Variants in ITFG2 observed in about 807,000 individuals in gnomAD.
The protein encoded by ITFG2 is integrin alpha FG-GAP repeat containing 2.
In ITFG2, 36 loss-of-function variants were observed where a neutral mutation model predicts 54.4. That is an observed-to-expected ratio of 0.66 (90% CI 0.51 to 0.87). The LOEUF is 0.87. Among genes scored for constraint, ITFG2 ranks in the 40% least tolerant of loss-of-function variants. ITFG2 has a pLI of 0.00. For missense variants in ITFG2, 524 were observed against 576.7 expected (o/e 0.91, Z 0.94); for synonymous variants, 211 against 225.4 (o/e 0.94, Z 0.57).
In ITFG2 at chr12:2,855,098, G is replaced by C. The variant is rs975383869; in HGVS notation, n.301-2914G>C. The C allele has an allele frequency of 3.9e-6, 6 of 1,535,632 alleles. No homozygotes were observed. The Admixed American group carries it at 9.8e-5, about 25-fold the overall frequency. On this transcript the variant is annotated intron_variant and non_coding_transcript_variant, in intron 2 of 3. Transcript: ENST00000537710. ...CTGTTTTGCCCCATCCAGGAGGGAGGGGGGATGGGGTGCTCCGTGGGGGGG... is the reference window on the plus strand; with the variant it reads ...CTGTTTTGCCCCATCCAGGAGGGAGCGGGGATGGGGTGCTCCGTGGGGGGG...
chr12:2,820,374 A>G, intron 5 of ITFG2, 149 bp downstream of exon 5: 1 of 1,032,976 alleles, frequency 9.7e-7, no homozygotes, highest in Non-Finnish European at 1.4e-6. Flanking sequence ...ACCATTTCAA[A>G]TCAGGGGCTT....
intron 2 of ITFG2, chr12:2,849,171 G>T: frequency 6.8e-7 from 1 of 1,464,622 alleles, no homozygotes; most frequent in Non-Finnish European, 9.0e-7. Context: ...AAGGAGCATT[G>T]ATTGAGAACA....
downstream of ITFG2, among the ~76,000 whole-genome samples, chr12:2,829,140 A>G (rs188889434): frequency 5.5e-3 from 844 of 152,288 alleles, 2 homozygotes; most frequent in Middle Eastern, 0.014. Context: ...TGTTTAGAGG[A>G]ATCCTTGGGA....
downstream of ITFG2, among the ~76,000 whole-genome samples, chr12:2,828,827 A>G (rs1313085887): frequency 6.6e-6 from 1 of 152,142 alleles, no homozygotes; most frequent in Non-Finnish European, 1.5e-5. Context: ...GGGCAACAAG[A>G]GCAAAACTCT....
intron 2 of ITFG2, chr12:2,854,943 G>A: frequency 1.3e-6 from 2 of 1,536,028 alleles, no homozygotes; most frequent in Non-Finnish European, 1.7e-6. Context: ...CATCGAGTGG[G>A]GGTGCTCTTG....
intron 2 of ITFG2, among the ~76,000 whole-genome samples, chr12:2,841,561 C>G (rs1365109324): frequency 6.6e-6 from 1 of 152,308 alleles, no homozygotes; most frequent in African/African-American, 2.4e-5. Flanking sequence ...GATACAGTAA[C>G]TACTAGACAT....
exon 4 of ITFG2, chr12:2,859,659 A>G (rs921890135): frequency 1.2e-6 from 2 of 1,602,218 alleles, no homozygotes; most frequent in Middle Eastern, 1.7e-4. Flanking sequence ...CTCAGCTAGC[A>G]GCACCTGAAA....
At chr12:2,821,186 G>C in intron 6 of ITFG2, 76 bp from the exon 7 acceptor site, 1 of 1,157,394 alleles carries the variant, frequency 8.6e-7, no homozygotes, top group Non-Finnish European at 1.3e-6. Flanking sequence ...AGCTCTTGCA[G>C]GGATAGGGGT....
At chr12:2,842,067 CAAT>C (rs2098042408) in intron 2 of ITFG2, among the ~76,000 whole-genome samples, 1 of 144,484 alleles carries the variant, frequency 6.9e-6, no homozygotes, top group African/African-American at 2.6e-5. Context: ...TACATAAAAA[CAAT>C]AATATAATAA....
chr12:2,814,510 A>G (rs2097916972), intron 1 of ITFG2, among the ~76,000 whole-genome samples: 1 of 152,008 alleles, frequency 6.6e-6, no homozygotes, highest in South Asian at 2.1e-4. Context: ...TGTTTTTTCC[A>G]CTGCTATATT....
intron 1 of ITFG2, chr12:2,840,797 A>G (rs999321164): frequency 1.5e-4 from 23 of 152,578 alleles, no homozygotes; most frequent in African/African-American, 5.1e-4. Flanking sequence ...AAATAAATAA[A>G]TAAAATTCTA....
Position 2,818,143 on chromosome 12 carries a change from A to C in ITFG2, c.272A>C (p.His91Pro). ...LVAVSAEGWF[H>P]LFDLTPAKVL... Reference sequence around the variant, plus strand: ...GCAGTGAGTGCTGAAGGCTGGTTTCATTTGTTTGACCTGACACCTGCCAAG... The same window carrying C: ...GCAGTGAGTGCTGAAGGCTGGTTTCCTTTGTTTGACCTGACACCTGCCAAG... Residue 91 changes from histidine (H) to proline (P), a missense_variant, in exon 4 of 12, where the codon CAT (histidine) becomes CCT (proline). Transcript: ENST00000228799. 6.2e-7 allele frequency: 1 copy of C among 1,614,056 alleles called. No individual in the cohort carries two copies. Among genetic ancestry groups the C allele is most frequent in the Non-Finnish European group, 8.5e-7 (1 of 1,180,024 alleles).
intron 1 of ITFG2, among the ~76,000 whole-genome samples, chr12:2,815,732 C>T (rs1447878733): frequency 1.3e-5 from 2 of 152,148 alleles, no homozygotes; most frequent in African/African-American, 4.8e-5. Context: ...CTGTTCAGGT[C>T]GCATACTTTT....
At chr12:2,849,428 G>A (rs1461101443) in intron 2 of ITFG2, 1 of 1,536,182 alleles carries the variant, frequency 6.5e-7, no homozygotes, top group Admixed American at 2.0e-5. Context: ...AGAGGGTTTG[G>A]GCAGGGCCAG....
chr12:2,828,565 C>T (rs1288675253), downstream of ITFG2: 3 of 658,184 alleles, frequency 4.6e-6, no homozygotes, highest in Admixed American at 2.9e-5. Flanking sequence ...CGGGGCCAGG[C>T]GCGGTAGCTC....
intron 2 of ITFG2, among the ~76,000 whole-genome samples, chr12:2,842,191 G>A (rs1314806245): frequency 1.6e-5 from 2 of 124,762 alleles, no homozygotes; most frequent in South Asian, 2.5e-4. Context: ...GCACGATCTC[G>A]GCTCACTGCA....
At chr12:2,828,158 C>T (rs146801012), downstream of ITFG2, 37 of 1,203,374 alleles carry the variant, frequency 3.1e-5, no homozygotes, top group African/African-American at 4.4e-4. Context: ...CCTGACCTCA[C>T]GTGGGGTCTA....
Position 2,823,839 on chromosome 12 carries a change from A to G in ITFG2, c.1136A>G (p.Tyr379Cys), listed in dbSNP as rs139059765. 5.6e-6 allele frequency: 9 copies of G among 1,611,330 alleles called. No homozygotes were observed. The highest frequency in any genetic ancestry group is 4.0e-5 in the African/African-American group (3 of 74,858). ...TATGTCACTTTCAACCAGAAGATCT[A>G]TGTGTACTGGGAGGTGCAGCTGGAG... is the stretch of plus-strand genomic sequence containing the variant. ...LVYVTFNQKI[Y>C]VYWEVQLERM... Residue 379 changes from tyrosine (Y) to cysteine (C), a missense_variant, in exon 11 of 12, where the codon TAT becomes TGT. Transcript: ENST00000228799.
At chr12:2,849,408 G>T (rs1252800551) in intron 2 of ITFG2, 1 of 1,536,078 alleles carries the variant, frequency 6.5e-7, no homozygotes. Flanking sequence ...CCTTCTCCTG[G>T]TAGTGAGGCA....
Sources: allele counts gnomAD v4.1 joint callset (sites outside exome capture counted in the v4.1 genomes callset), GRCh38; gene constraint gnomAD v4.1.1; transcripts MANE v1.5; gene names NCBI Gene and HGNC (gene_info 2026-07-23, HGNC 2026-07-21).